ZFPM2: variants seen among roughly 807,000 people sequenced by gnomAD.
The protein encoded by ZFPM2 is zinc finger protein ZFPM2.
Under a neutral mutation model 98.6 loss-of-function variants are expected in ZFPM2, and 20 were observed. The observed-to-expected ratio is 0.20, with a 90% CI of 0.14 to 0.29. ZFPM2 has a LOEUF of 0.29. Ranked by LOEUF, ZFPM2 falls within the 10% of genes least tolerant of loss-of-function variation. The pLI is 1.00. For synonymous variants in ZFPM2, 518 were observed against 502.7 expected (o/e 1.03, Z -0.41); for missense variants, 1,310 against 1,388.6 (o/e 0.94, Z 0.90).
chr8:105,341,170 C>A (rs1309033728), intron 1 of ZFPM2, among the ~76,000 whole-genome samples: 1 of 151,860 alleles, frequency 6.6e-6, no homozygotes, highest in Non-Finnish European at 1.5e-5. Context: ...ATAGAACATA[C>A]CCTCGTGGGG....
chr8:105,527,950 T>G (rs1163577404), intron 3 of ZFPM2, among the ~76,000 whole-genome samples: 1 of 152,218 alleles, frequency 6.6e-6, no homozygotes, highest in East Asian at 1.9e-4. Flanking sequence ...AAGATAGTTC[T>G]TCAGTACTTG....
chr8:105,668,965 C>T (rs1237598665), intron 5 of ZFPM2, among the ~76,000 whole-genome samples: 1 of 152,006 alleles, frequency 6.6e-6, no homozygotes, highest in African/African-American at 2.4e-5. Flanking sequence ...CATAACTGAT[C>T]CCCTTACAGT....
intron 2 of ZFPM2, among the ~76,000 whole-genome samples, chr8:105,428,787 A>C (rs1459337944): frequency 6.6e-6 from 1 of 152,214 alleles, no homozygotes; most frequent in Non-Finnish European, 1.5e-5. Flanking sequence ...GGGCACTGTG[A>C]AAACTTTTCA....
chr8:105,737,168 G>A (rs1812093966), intron 5 of ZFPM2: 1 of 151,974 alleles, frequency 6.6e-6, no homozygotes, highest in Non-Finnish European at 1.5e-5. Context: ...TCAAATTTGA[G>A]AAGATTTCCT....
chr8:105,654,934 G>GTTTATTTGAAT (rs1241762546), intron 5 of ZFPM2, among the ~76,000 whole-genome samples: 2 of 152,114 alleles, frequency 1.3e-5, no homozygotes, highest in Non-Finnish European at 2.9e-5. Context: ...ATGATATAAA[G>GTTTATTTGAAT]TTTATTTGAA....
At chr8:105,606,302 G>A (rs1289833655) in intron 4 of ZFPM2, among the ~76,000 whole-genome samples, 1 of 151,990 alleles carries the variant, frequency 6.6e-6, no homozygotes, top group African/African-American at 2.4e-5. Flanking sequence ...TTCTAGTGTT[G>A]ATTATATGCT....
intron 3 of ZFPM2, among the ~76,000 whole-genome samples, 175 bp downstream of exon 3, chr8:105,444,556 A>C (rs1812330101): frequency 6.6e-6 from 1 of 152,200 alleles, no homozygotes; most frequent in African/African-American, 2.4e-5. Flanking sequence ...TGTTATATAA[A>C]TTATAAAAAC....
chr8:105,526,991 T>C (rs1477215262), intron 3 of ZFPM2, among the ~76,000 whole-genome samples: 2 of 152,056 alleles, frequency 1.3e-5, no homozygotes, highest in African/African-American at 4.8e-5. Flanking sequence ...ACCTTCCCAG[T>C]AGTAATAGCA....
At chr8:105,681,793 A>G (rs958525233) in intron 5 of ZFPM2, among the ~76,000 whole-genome samples, 1 of 152,132 alleles carries the variant, frequency 6.6e-6, no homozygotes, top group Non-Finnish European at 1.5e-5. Context: ...ACCAGTTGGC[A>G]TAACTGGACT....
intron 5 of ZFPM2, among the ~76,000 whole-genome samples, chr8:105,726,621 C>T (rs772621195): frequency 6.6e-6 from 1 of 151,638 alleles, no homozygotes; most frequent in East Asian, 2.0e-4. Flanking sequence ...TTAAGAACAC[C>T]GAAGATGTAA....
chr8:105,510,695 A>G (rs1005674905), intron 3 of ZFPM2, among the ~76,000 whole-genome samples: 2 of 151,952 alleles, frequency 1.3e-5, no homozygotes, highest in Non-Finnish European at 2.9e-5. Flanking sequence ...TTGATTGATT[A>G]TTCAAGTCAA....
In ZFPM2 at chr8:105,330,593, T is replaced by C. The variant is rs866792277; in HGVS notation, c.40+11612T>C. Among the ~76,000 whole-genome samples the C allele has an allele frequency of 3.3e-3, 135 of 40,372 alleles. 3 individuals are homozygous for C. Among genetic ancestry groups the C allele is most frequent in the South Asian group, 0.015 (18 of 1,184 alleles). 26.5% of individuals were successfully genotyped at this position (40,372 alleles called of 152,430 possible). A position where few individuals can be genotyped will look rare whatever the true frequency, so the allele number is the denominator to read the frequency against. On this transcript the variant is annotated intron_variant, in intron 1 of 7. Coordinates refer to ENST00000407775, the MANE Select transcript of ZFPM2 (RefSeq NM_012082.4). ...ACATATATATATACATATATATATA[T>C]ACATATATATATATATACACATATA...
At chr8:105,460,403 T>C (rs557439598) in intron 3 of ZFPM2, among the ~76,000 whole-genome samples, 12 of 152,172 alleles carry the variant, frequency 7.9e-5, no homozygotes, top group African/African-American at 2.9e-4. Context: ...GAAGGAGGCA[T>C]CTCTTTTGCT....
intron 1 of ZFPM2, among the ~76,000 whole-genome samples, chr8:105,390,110 A>G (rs1219255603): frequency 2.0e-5 from 3 of 152,130 alleles, no homozygotes; most frequent in Admixed American, 6.5e-5. Flanking sequence ...TCTGACACTA[A>G]CAACCTATAG....
At chr8:105,728,201 T>C (rs1026348882) in intron 5 of ZFPM2, among the ~76,000 whole-genome samples, 6 of 151,652 alleles carry the variant, frequency 4.0e-5, no homozygotes, top group East Asian at 2.0e-4. Context: ...GAGTTCTAGA[T>C]TGAGTAAAAA....
chr8:105,325,859 T>G (rs576643620), intron 1 of ZFPM2, among the ~76,000 whole-genome samples: 1 of 151,964 alleles, frequency 6.6e-6, no homozygotes, highest in East Asian at 1.9e-4. Flanking sequence ...TTTTGACAAA[T>G]ACTTTTAAAA....
chr8:105,617,532 G>A (rs576887808), intron 4 of ZFPM2, among the ~76,000 whole-genome samples: 2 of 152,316 alleles, frequency 1.3e-5, no homozygotes, highest in African/African-American at 4.8e-5. Context: ...GTTCTGAGGA[G>A]TGGGATAGAC....
chr8:105,765,043 T>C (rs986314051), intron 5 of ZFPM2, among the ~76,000 whole-genome samples: 4 of 151,836 alleles, frequency 2.6e-5, no homozygotes, highest in Non-Finnish European at 5.9e-5. Flanking sequence ...CAGGACCACG[T>C]GGTCAGTGTA....
At chr8:105,333,709 T>G (rs1812275702) in intron 1 of ZFPM2, among the ~76,000 whole-genome samples, 1 of 151,622 alleles carries the variant, frequency 6.6e-6, no homozygotes, top group Non-Finnish European at 1.5e-5. Flanking sequence ...TTAAATAAAA[T>G]TATGGTATAA....
Sources: gnomAD v4.1 joint callset for allele counts (sites outside exome capture counted in the v4.1 genomes callset) on GRCh38, gnomAD v4.1.1 for gene constraint, MANE v1.5 for transcripts, NCBI Gene and HGNC (gene_info 2026-07-23, HGNC 2026-07-21) for gene names.